Variants in ZNF438 observed in about 807,000 individuals in gnomAD.
ZNF438 encodes zinc finger protein 438.
In ZNF438, 25 loss-of-function variants were observed where a neutral mutation model predicts 38.0. The observed-to-expected ratio is 0.66, with a 90% CI of 0.48 to 0.92. ZNF438 has a LOEUF of 0.92. Among genes scored for constraint, ZNF438 ranks in the 40% least tolerant of loss-of-function variants. ZNF438 has a pLI of 0.00. For missense variants in ZNF438, 1,007 were observed against 999.6 expected, an observed-to-expected ratio of 1.01 and a Z score of -0.10; for synonymous variants, 372 against 364.1, an observed-to-expected ratio of 1.02 and a Z score of -0.25.
At chr10:30,849,543 G>A in exon 5 of ZNF438, 1 of 1,614,170 alleles carries the variant, frequency 6.2e-7, no homozygotes, top group Non-Finnish European at 8.5e-7. Flanking sequence ...TTCCCTTTGG[G>A]GACTGAAGAG....
intron 1 of ZNF438, among the ~76,000 whole-genome samples, chr10:30,945,503 T>TA (rs1331098806): frequency 1.3e-5 from 2 of 152,016 alleles, no homozygotes; most frequent in African/African-American, 4.8e-5. Context: ...CTGCACCCAC[T>TA]AACTCATCAT....
At chr10:30,892,542 C>T (rs932462114) in intron 3 of ZNF438, among the ~76,000 whole-genome samples, 2 of 150,476 alleles carry the variant, frequency 1.3e-5, no homozygotes, top group Admixed American at 6.6e-5. Context: ...TTTTTTTTAA[C>T]ATTCTGTTTG....
At chr10:31,016,948 C>A (rs1248235689) in intron 1 of ZNF438, among the ~76,000 whole-genome samples, 1 of 152,188 alleles carries the variant, frequency 6.6e-6, no homozygotes. Flanking sequence ...AGCTTAAGGT[C>A]TAGGTCTCTG....
chr10:30,977,549 A>C (rs555052482), intron 1 of ZNF438, among the ~76,000 whole-genome samples: 1 of 152,324 alleles, frequency 6.6e-6, no homozygotes, highest in South Asian at 2.1e-4. Context: ...TTGTCTTAAC[A>C]GAGGTGATCT....
At chr10:30,994,797 G>C (rs960768978) in intron 1 of ZNF438, among the ~76,000 whole-genome samples, 1 of 152,160 alleles carries the variant, frequency 6.6e-6, no homozygotes, top group Non-Finnish European at 1.5e-5. Flanking sequence ...TTGGGAGGCC[G>C]AGGTGGGAGG....
intron 1 of ZNF438, among the ~76,000 whole-genome samples, chr10:30,948,410 G>A (rs1011371357): frequency 1.4e-4 from 21 of 152,188 alleles, no homozygotes; most frequent in African/African-American, 4.8e-4. Flanking sequence ...GAATGACTTC[G>A]ACGAGCTGAG....
Position 31,000,087 on chromosome 10 carries a change from T to G in ZNF438, c.-192+31746A>C, listed in dbSNP as rs540930553. 2.6e-5 allele frequency among the ~76,000 whole-genome samples: 4 copies of G among 152,336 alleles called. No individual in the cohort carries two copies. In the East Asian group the frequency reaches 7.7e-4, roughly 29 times the overall value. On this transcript the variant is annotated intron_variant, in intron 1 of 5. Coordinates refer to ENST00000413025, the Ensembl canonical transcript of ZNF438. ...CGGCAACGAAATGCTTATTCCCAAA[T>G]TTGTGTCTCTATGCTTGATTTTTCT...
At chr10:30,988,250 G>C (rs1441137093) in intron 1 of ZNF438, among the ~76,000 whole-genome samples, 1 of 151,560 alleles carries the variant, frequency 6.6e-6, no homozygotes, top group Non-Finnish European at 1.5e-5. Flanking sequence ...TCGACATAGA[G>C]ATTACATTCT....
chr10:30,848,522 G>A lies in ZNF438; in HGVS notation c.1874+9C>T. 1 of 1,602,864 alleles carries A rather than the reference G, an allele frequency of 6.2e-7. No individual in the cohort carries two copies. Among genetic ancestry groups the A allele is most frequent in the Non-Finnish European group, 8.5e-7 (1 of 1,172,050 alleles). The stretch of plus-strand genomic sequence containing the variant: ...TCTCTTGCCAGGTCTCCATTACATT[G>A]GCACTCACCTCTCCAATGATCCCTC... On this transcript the variant is annotated intron_variant, in intron 5 of 5. Transcript: ENST00000413025.
chr10:31,021,054 C>CT (rs9331411), intron 1 of ZNF438, among the ~76,000 whole-genome samples: 2 of 128,558 alleles, frequency 1.6e-5, no homozygotes, highest in East Asian at 2.3e-4. Flanking sequence ...ACAACAGCAA[C>CT]TTTTTTTTTT....
intron 2 of ZNF438, among the ~76,000 whole-genome samples, chr10:30,930,935 C>T (rs1443439202): frequency 6.7e-6 from 1 of 150,134 alleles, no homozygotes; most frequent in East Asian, 2.0e-4. Context: ...GCTAAGCACA[C>T]ATTCCCATTT....
intron 1 of ZNF438, among the ~76,000 whole-genome samples, chr10:30,949,213 C>T (rs1405207606): frequency 6.6e-6 from 1 of 151,642 alleles, no homozygotes; most frequent in East Asian, 1.9e-4. Context: ...GAGATTTTGT[C>T]ACCACCAGGC....
intron 2 of ZNF438, among the ~76,000 whole-genome samples, chr10:30,918,405 C>T (rs1257082300): frequency 2.0e-5 from 3 of 152,064 alleles, no homozygotes; most frequent in Admixed American, 1.3e-4. Flanking sequence ...TGGCATCTCT[C>T]TTCATTTATT....
chr10:30,963,752 G>A (rs1367603261), intron 1 of ZNF438, among the ~76,000 whole-genome samples: 2 of 152,066 alleles, frequency 1.3e-5, no homozygotes, highest in East Asian at 3.9e-4. Context: ...ACGGTGGCAG[G>A]CGCCTGTAAT....
intron 4 of ZNF438, among the ~76,000 whole-genome samples, chr10:30,868,720 T>C (rs1374440891): frequency 6.6e-6 from 1 of 152,234 alleles, no homozygotes; most frequent in African/African-American, 2.4e-5. Context: ...TAAATAAAGA[T>C]GCAAGCATCT....
intron 3 of ZNF438, among the ~76,000 whole-genome samples, chr10:30,886,620 T>A (rs577255288): frequency 6.6e-6 from 1 of 152,208 alleles, no homozygotes; most frequent in African/African-American, 2.4e-5. Flanking sequence ...TGTTTTATAA[T>A]AAAGTGTTGA....
At chr10:30,894,307 A>C (rs1208132532) in intron 3 of ZNF438, among the ~76,000 whole-genome samples, 1 of 152,192 alleles carries the variant, frequency 6.6e-6, no homozygotes, top group East Asian at 1.9e-4. Flanking sequence ...TGTTTGGAGG[A>C]CTAGACAGTC....
At chr10:30,888,619 T>C (rs934079828) in intron 3 of ZNF438, among the ~76,000 whole-genome samples, 2 of 152,218 alleles carry the variant, frequency 1.3e-5, no homozygotes, top group African/African-American at 4.8e-5. Flanking sequence ...AGTGAGAACA[T>C]GCAGTATTTG....
chr10:30,908,082 T>C (rs1380750757), intron 3 of ZNF438, among the ~76,000 whole-genome samples: 1 of 152,164 alleles, frequency 6.6e-6, no homozygotes, highest in Non-Finnish European at 1.5e-5. Context: ...ATTTCCTCTT[T>C]GACTCTGATT....
Sources: gnomAD v4.1 joint callset for allele counts (sites outside exome capture counted in the v4.1 genomes callset) on GRCh38, gnomAD v4.1.1 for gene constraint, MANE v1.5 for transcripts, NCBI Gene and HGNC (gene_info 2026-07-23, HGNC 2026-07-21) for gene names.